The following FBXW8 variants were observed in gnomAD, a reference collection of about 807,000 sequenced individuals.
FBXW8 encodes the protein F-box/WD repeat-containing protein 8.
Under a neutral mutation model 65.3 loss-of-function variants are expected in FBXW8, and 57 were observed. That is an observed-to-expected ratio of 0.87 (90% CI 0.71 to 1.09). The LOEUF (loss-of-function observed/expected upper bound fraction) is 1.09, where lower values mean the gene tolerates loss of function less well. Among genes scored for constraint, FBXW8 ranks in the 50% least tolerant of loss-of-function variants. FBXW8 has a pLI of 0.00. For synonymous variants in FBXW8, 308 were observed against 330.2 expected, an observed-to-expected ratio of 0.93 and a Z score of 0.73; for missense variants, 777 against 814.8, an observed-to-expected ratio of 0.95 and a Z score of 0.57.
At chr12:116,913,728 A>G (rs1880182876) in intron 1 of FBXW8, among the ~76,000 whole-genome samples, 1 of 152,166 alleles carries the variant, frequency 6.6e-6, no homozygotes. Context: ...AAACCTGCAT[A>G]CAAGTGGACC....
At chr12:116,971,325 A>C (rs1277871301) in intron 5 of FBXW8, among the ~76,000 whole-genome samples, 1 of 151,386 alleles carries the variant, frequency 6.6e-6, no homozygotes, top group Non-Finnish European at 1.5e-5. Flanking sequence ...GCTCTGCTGC[A>C]TTTCTGCCTG....
chr12:116,924,279 T>G (rs191750776), intron 1 of FBXW8, among the ~76,000 whole-genome samples: 16 of 150,010 alleles, frequency 1.1e-4, no homozygotes, highest in Admixed American at 9.2e-4. Context: ...GGAACACTGA[T>G]AGCATCTTTA....
intron 1 of FBXW8, among the ~76,000 whole-genome samples, chr12:116,920,619 C>A (rs11068233): frequency 1.3e-5 from 2 of 152,054 alleles, no homozygotes; most frequent in African/African-American, 4.8e-5. Flanking sequence ...TCATGGAGAA[C>A]CTAAAGGAGG....
At chr12:116,993,098 C>CTTTTTTTTTTTTTT (rs71099026) in intron 7 of FBXW8, among the ~76,000 whole-genome samples, 7 of 85,406 alleles carry the variant, frequency 8.2e-5, no homozygotes, top group South Asian at 4.5e-4. Context: ...TGATTTTTGA[C>CTTTTTTTTTTTTTT]TTTTTTTTTT....
chr12:116,946,128 C>T (rs1882915618), intron 3 of FBXW8, among the ~76,000 whole-genome samples: 2 of 152,146 alleles, frequency 1.3e-5, no homozygotes, highest in African/African-American at 4.8e-5. Flanking sequence ...GACGAGACAG[C>T]AGTGTGGTGG....
chr12:117,010,589 T>C, intron 8 of FBXW8, 139 bp downstream of exon 8: 4 of 1,089,542 alleles, frequency 3.7e-6, no homozygotes, highest in Non-Finnish European at 5.3e-6. Flanking sequence ...ATAAACACTC[T>C]AGACTCAGAG....
chr12:116,987,635 A>C (rs1245401451), intron 6 of FBXW8, among the ~76,000 whole-genome samples: 1 of 152,212 alleles, frequency 6.6e-6, no homozygotes, highest in African/African-American at 2.4e-5. Context: ...ATTTTGACAC[A>C]AATGTTAAAA....
rs79293245 is a variant in FBXW8, at chr12:116,958,716, G to A, written c.678-5981G>A. Among the ~76,000 whole-genome samples, 5 of 152,304 alleles carry A rather than the reference G, an allele frequency of 3.3e-5. No homozygotes were observed. In the East Asian group the frequency reaches 9.6e-4, roughly 29 times the overall value. On this transcript the variant is annotated intron_variant, in intron 4 of 10. Transcript: ENST00000652555. ...CTCAGCATCAGGCTAGCTTCCTGCTGGGAAATGACTTTCAACCTGAATCCA... is the reference window on the plus strand; with the variant it reads ...CTCAGCATCAGGCTAGCTTCCTGCTAGGAAATGACTTTCAACCTGAATCCA...
chr12:116,997,992 T>G (rs1470851605), intron 7 of FBXW8, among the ~76,000 whole-genome samples: 1 of 152,130 alleles, frequency 6.6e-6, no homozygotes, highest in African/African-American at 2.4e-5. Context: ...ATTTTTATAT[T>G]TTTTAGTAGA....
intron 8 of FBXW8, among the ~76,000 whole-genome samples, chr12:117,022,668 T>TAAAC (rs998994915): frequency 6.6e-6 from 1 of 152,074 alleles, no homozygotes; most frequent in African/African-American, 2.4e-5. Context: ...AAAAAAATAA[T>TAAAC]AAACAACAAA....
At chr12:116,988,967 TATATC>T in intron 7 of FBXW8, 98 bp downstream of exon 7, 1 of 1,154,436 alleles carries the variant, frequency 8.7e-7, no homozygotes, top group South Asian at 1.4e-5. Flanking sequence ...TTTTTCCAGA[TATATC>T]AGGCCAGTAT....
intron 7 of FBXW8, among the ~76,000 whole-genome samples, chr12:116,993,370 G>A (rs1953300465): frequency 6.6e-6 from 1 of 151,994 alleles, no homozygotes; most frequent in African/African-American, 2.4e-5. Flanking sequence ...TCAAAGTGCT[G>A]GGATTACAGG....
At chr12:116,963,375 C>T (rs911681430) in intron 4 of FBXW8, among the ~76,000 whole-genome samples, 2 of 152,064 alleles carry the variant, frequency 1.3e-5, no homozygotes, top group South Asian at 2.1e-4. Context: ...TGGAGGCCGA[C>T]GTGGGTGGAT....
Position 116,990,575 on chromosome 12 carries a change from A to G in FBXW8, c.1239+1706A>G, listed in dbSNP as rs551853547. Among the ~76,000 whole-genome samples, 6 of 152,236 alleles carry G rather than the reference A, an allele frequency of 3.9e-5. No homozygotes were observed. In the East Asian group the frequency reaches 9.7e-4, roughly 25 times the overall value. Reference sequence around the variant, plus strand: ...AGAGCTCTCAGTATAGAGAGGTGATAGTTATATTCAGTACCAGTCTGGTTT... The same window carrying G: ...AGAGCTCTCAGTATAGAGAGGTGATGGTTATATTCAGTACCAGTCTGGTTT... On this transcript the variant is annotated intron_variant, in intron 7 of 10. Coordinates refer to ENST00000652555, the MANE Select transcript of FBXW8 (RefSeq NM_153348.3).
At chr12:116,963,690 A>G (rs1263683249) in intron 4 of FBXW8, among the ~76,000 whole-genome samples, 2 of 152,228 alleles carry the variant, frequency 1.3e-5, no homozygotes, top group Non-Finnish European at 2.9e-5. Flanking sequence ...CATAGATTTC[A>G]GTGACTCAGT....
chr12:116,988,812 G>A lies in FBXW8; in HGVS notation c.1182G>A (p.Ser394=), dbSNP rs1484381218. The A allele has an allele frequency of 3.7e-6, 6 of 1,614,040 alleles. No individual in the cohort carries two copies. Among genetic ancestry groups the A allele is most frequent in the South Asian group, 1.1e-5 (1 of 91,060 alleles). ...HGPPVTCLDV[S]ANQVAFGVQG... is the part of the protein sequence containing the mutation. ...CGCCTGTCACATGTCTAGACGTCTC[G>A]GCCAACCAAGTTGCTTTTGGTGTAC... is the stretch of plus-strand genomic sequence containing the variant. Residue 394 remains serine, a synonymous_variant, in exon 7 of 11, where the codon TCG becomes TCA. Transcript: ENST00000652555.
chr12:116,920,153 C>G (rs1880772264), intron 1 of FBXW8, among the ~76,000 whole-genome samples: 1 of 152,192 alleles, frequency 6.6e-6, no homozygotes, highest in Non-Finnish European at 1.5e-5. Context: ...CAAATTTCTC[C>G]CTTTCCCCCA....
Position 117,024,183 on chromosome 12 carries a change from CCT to C in FBXW8, c.1405_1406del (p.Leu469ValfsTer16). 1 of 1,614,186 alleles carries C rather than the reference CCT, an allele frequency of 6.2e-7. No homozygotes were observed. The highest frequency in any genetic ancestry group is 8.5e-7 in the Non-Finnish European group (1 of 1,180,034). Reference protein sequence around the residue: ...IHDLRSGNIALSLSAHQLRVS... With the variant: ...IHDLRSGNIAXSLSAHQLRVS... ...ACGACCTCCGCAGTGGTAACATCGCCCTGTCGCTCTCCGCCCATCAGCTCAGG... is the reference window on the plus strand; with the variant it reads ...ACGACCTCCGCAGTGGTAACATCGCCGTCGCTCTCCGCCCATCAGCTCAGG... On this transcript the variant is annotated frameshift_variant, in exon 9 of 11. Transcript: ENST00000652555. LOFTEE classifies it high-confidence loss of function.
chr12:117,001,615 T>A (rs567985231), intron 7 of FBXW8, among the ~76,000 whole-genome samples: 6 of 152,196 alleles, frequency 3.9e-5, no homozygotes, highest in African/African-American at 1.4e-4. Flanking sequence ...CTCCGTAAGA[T>A]AGATATTATA....
Sources: allele counts gnomAD v4.1 joint callset (sites outside exome capture counted in the v4.1 genomes callset), GRCh38; gene constraint gnomAD v4.1.1; transcripts MANE v1.5; gene names NCBI Gene and HGNC (gene_info 2026-07-23, HGNC 2026-07-21).